Variants in MED13L observed in about 807,000 individuals in gnomAD.
MED13L encodes the protein mediator of RNA polymerase II transcription subunit 13-like.
MED13L carries 7 observed loss-of-function variants against 220.9 expected under a neutral mutation model. The ratio of observed to expected loss-of-function variants is 0.03; its 90% CI spans 0.02 to 0.06. MED13L has a LOEUF of 0.06. Among genes scored for constraint, MED13L ranks in the 10% least tolerant of loss-of-function variants. MED13L has a pLI of 1.00. For synonymous variants in MED13L, 1,011 were observed against 1,015.2 expected, an observed-to-expected ratio of 1.00 and a Z score of 0.08; for missense variants, 1,965 against 2,760.5, an observed-to-expected ratio of 0.71 and a Z score of 6.46.
At chr12:115,964,522 CTTCT>C (rs1199876353) in intron 29 of MED13L, among the ~76,000 whole-genome samples, 1 of 152,140 alleles carries the variant, frequency 6.6e-6, no homozygotes, top group Non-Finnish European at 1.5e-5. Context: ...CATATAAATG[CTTCT>C]TTCTCTTTAT....
intron 4 of MED13L, among the ~76,000 whole-genome samples, chr12:116,041,334 T>G (rs577440794): frequency 6.6e-6 from 1 of 152,312 alleles, no homozygotes; most frequent in East Asian, 1.9e-4. Flanking sequence ...ATTGTAAGTC[T>G]CCTGAGGACT....
chr12:116,120,071 T>C (rs1874908911), intron 2 of MED13L, among the ~76,000 whole-genome samples: 2 of 151,922 alleles, frequency 1.3e-5, no homozygotes. Context: ...TTCATAAACA[T>C]GCATAGAGTT....
chr12:116,063,736 A>T (rs1361689633), intron 4 of MED13L, among the ~76,000 whole-genome samples: 2 of 152,104 alleles, frequency 1.3e-5, no homozygotes, highest in African/African-American at 4.8e-5. Context: ...CACCTTTAAA[A>T]TTTTTCTAAT....
At position 116,005,936 on chromosome 12, in the gene MED13L, G is replaced by A. The variant is rs1417889412; in HGVS notation, c.2402C>T (p.Thr801Ile). 3 of 1,613,950 alleles carry A rather than the reference G, an allele frequency of 1.9e-6. No individual in the cohort carries two copies. Among genetic ancestry groups the A allele is most frequent in the South Asian group, 1.1e-5 (1 of 91,080 alleles). The change falls in exon 13 of 31, where the codon ACA (threonine) becomes ATA (isoleucine). Residue 801 changes from threonine to isoleucine, a missense_variant. Transcript: ENST00000281928. ...GTCATGCAGGGAAGGTGCCAAATCT[G>A]TTACCTGTGTAAGGCTACTGGAGCC... ...RAGSSSLTQV[T>I]DLAPSLHDLD...
chr12:116,042,243 G>A (rs1177438991), intron 4 of MED13L, among the ~76,000 whole-genome samples: 1 of 152,138 alleles, frequency 6.6e-6, no homozygotes, highest in East Asian at 1.9e-4. Flanking sequence ...CTTTCTAACT[G>A]GGTTATTTAA....
At chr12:116,157,348 G>C (rs962797883) in intron 2 of MED13L, among the ~76,000 whole-genome samples, 1 of 152,088 alleles carries the variant, frequency 6.6e-6, no homozygotes, top group African/African-American at 2.4e-5. Context: ...TGAGGACAGG[G>C]ACCATGTCTA....
chr12:116,035,643 T>C (rs1459723568), intron 4 of MED13L, among the ~76,000 whole-genome samples: 1 of 152,124 alleles, frequency 6.6e-6, no homozygotes, highest in African/African-American at 2.4e-5. Context: ...CAGGCTGGAA[T>C]GCAGTGGCGC....
intron 4 of MED13L, among the ~76,000 whole-genome samples, chr12:116,067,171 CTA>C (rs924064936): frequency 1.3e-5 from 2 of 151,944 alleles, no homozygotes; most frequent in South Asian, 4.2e-4. Flanking sequence ...TATGTAAAAA[CTA>C]TTTTTATTAT....
intron 4 of MED13L, among the ~76,000 whole-genome samples, chr12:116,074,570 T>C (rs944124392): frequency 2.0e-5 from 3 of 152,228 alleles, no homozygotes; most frequent in Admixed American, 6.5e-5. Flanking sequence ...TACAAAGAAA[T>C]GTATCTGTCC....
chr12:116,075,716 C>T (rs144432091), intron 4 of MED13L, among the ~76,000 whole-genome samples: 1 of 152,168 alleles, frequency 6.6e-6, no homozygotes, highest in Non-Finnish European at 1.5e-5. Context: ...AGGAAATAGA[C>T]TTCCTTTCTG....
intron 4 of MED13L, among the ~76,000 whole-genome samples, chr12:116,040,404 A>T (rs1474488382): frequency 6.6e-6 from 1 of 152,242 alleles, no homozygotes; most frequent in Non-Finnish European, 1.5e-5. Flanking sequence ...ACAAAATCTG[A>T]TTAATATCAC....
At position 115,961,100 on chromosome 12, in the gene MED13L, G is replaced by C. The variant is rs1592888235; in HGVS notation, c.*166C>G. On this transcript the variant is annotated 3_prime_UTR_variant, in exon 31 of 31. Transcript: ENST00000281928. Reference sequence around the variant, plus strand: ...AGTGTCAAGGAGTCACTCTGGTAATGAACACTGCAGAATTGACATGTGCCT... The same window carrying C: ...AGTGTCAAGGAGTCACTCTGGTAATCAACACTGCAGAATTGACATGTGCCT... The C allele has an allele frequency of 5.5e-6, 5 of 915,570 alleles. No homozygotes were observed. The East Asian group carries it at 1.3e-4, about 24-fold the overall frequency. The allele number at this position is 915,570 out of a possible 1,614,324, so 56.7% of individuals were successfully genotyped here. A position where few individuals can be genotyped will look rare whatever the true frequency, so the allele number is the denominator to read the frequency against.
chr12:115,976,031 T>C (rs1460696245), intron 23 of MED13L, among the ~76,000 whole-genome samples: 1 of 152,056 alleles, frequency 6.6e-6, no homozygotes, highest in Non-Finnish European at 1.5e-5. Flanking sequence ...AAGTGGGAAA[T>C]TGAAACTACA....
In MED13L at chr12:116,082,619, A is replaced by AT. The variant is rs146562976; in HGVS notation, c.479+14049dup. The AT allele has an allele frequency of 1.5e-3, 236 of 152,318 alleles. 1 individual carries two copies. Among genetic ancestry groups the AT allele is most frequent in the African/African-American group, 5.3e-3 (222 of 41,574 alleles). 9.4% of individuals were successfully genotyped at this position (152,318 alleles called of 1,614,324 possible). A position where few individuals can be genotyped will look rare whatever the true frequency, so the allele number is the denominator to read the frequency against. On this transcript the variant is annotated intron_variant, in intron 4 of 30. Transcript: ENST00000281928. The stretch of plus-strand genomic sequence containing the variant: ...CAAAAATTGGAACCCTACAGAAAAG[A>AT]TTAACATGGCCCCTGCACAACGATG...
At position 116,038,606 on chromosome 12, in the gene MED13L, C is replaced by T. The variant is rs369875166; in HGVS notation, c.480-16005G>A. ...AAACATAGGGACAGACCTCTGACAT[C>T]TGCCTAGATTCTCAAGCCTGGCTCA... On this transcript the variant is annotated intron_variant, in intron 4 of 30. Transcript: ENST00000281928. Among the ~76,000 whole-genome samples the T allele has an allele frequency of 4.6e-5, 7 of 152,178 alleles. No individual in the cohort carries two copies. The South Asian group carries it at 1.5e-3, about 32-fold the overall frequency.
rs1052488846 is a variant in MED13L at position 116,097,200 on chromosome 12, C to G, written c.396-448G>C. Among the ~76,000 whole-genome samples, 60 of 152,020 alleles carry G rather than the reference C, an allele frequency of 3.9e-4. 1 individual carries two copies. The highest frequency in any genetic ancestry group is 1.4e-3 in the African/African-American group (59 of 41,468). On this transcript the variant is annotated intron_variant, in intron 3 of 30. Coordinates refer to ENST00000281928, the MANE Select transcript of MED13L (RefSeq NM_015335.5). ...AGTCTCTGTTGCCTAGGCTGGAGGGCAGTGGTGCAATCTTGGCTCACTGCA... is the reference window on the plus strand; with the variant it reads ...AGTCTCTGTTGCCTAGGCTGGAGGGGAGTGGTGCAATCTTGGCTCACTGCA...
At chr12:116,233,607 C>G (rs1169292813) in intron 2 of MED13L, among the ~76,000 whole-genome samples, 1 of 152,202 alleles carries the variant, frequency 6.6e-6, no homozygotes, top group Non-Finnish European at 1.5e-5. Flanking sequence ...GGTCTTTGCA[C>G]AGTAGCAGTA....
intron 2 of MED13L, among the ~76,000 whole-genome samples, chr12:116,117,088 T>C (rs1423009852): frequency 6.6e-6 from 1 of 151,730 alleles, no homozygotes; most frequent in Non-Finnish European, 1.5e-5. Flanking sequence ...AACAATGAAA[T>C]ATCTATACAA....
At chr12:116,216,399 G>C (rs1475093381) in intron 2 of MED13L, among the ~76,000 whole-genome samples, 1 of 152,060 alleles carries the variant, frequency 6.6e-6, no homozygotes, top group African/African-American at 2.4e-5. Flanking sequence ...AATTCCCAGA[G>C]AACTTTATCT....
Sources: allele counts gnomAD v4.1 joint callset (sites outside exome capture counted in the v4.1 genomes callset), GRCh38; gene constraint gnomAD v4.1.1; transcripts MANE v1.5; gene names NCBI Gene and HGNC (gene_info 2026-07-23, HGNC 2026-07-21).